ZDHHC17: variants seen among roughly 807,000 people sequenced by gnomAD.
The protein encoded by ZDHHC17 is zDHHC palmitoyltransferase 17.
A neutral mutation model predicts 90.3 loss-of-function variants in ZDHHC17; 40 were observed. The ratio of observed to expected loss-of-function variants is 0.44; its 90% confidence interval spans 0.34 to 0.58. The LOEUF (loss-of-function observed/expected upper bound fraction) is 0.58, where lower values mean the gene tolerates loss of function less well. Among genes scored for constraint, ZDHHC17 ranks in the 20% least tolerant of loss-of-function variants. ZDHHC17 has a pLI of 0.01. For missense variants in ZDHHC17, 614 were observed against 780.8 expected, an observed-to-expected ratio of 0.79 and a Z score of 2.55; for synonymous variants, 235 against 252.4, an observed-to-expected ratio of 0.93 and a Z score of 0.65.
intron 10 of ZDHHC17, among the ~76,000 whole-genome samples, chr12:76,831,352 T>C (rs968787074): frequency 1.3e-5 from 2 of 152,170 alleles, no homozygotes; most frequent in Non-Finnish European, 1.5e-5. Flanking sequence ...TTGTTTTGTT[T>C]TGTTTTGTTT....
intron 7 of ZDHHC17, among the ~76,000 whole-genome samples, chr12:76,816,869 A>G (rs1226657872): frequency 6.6e-6 from 1 of 152,052 alleles, no homozygotes; most frequent in Admixed American, 6.6e-5. Flanking sequence ...TTAAAAGTAA[A>G]TTAATATTGG....
At chr12:76,825,395 A>G (rs965931125) in intron 8 of ZDHHC17, among the ~76,000 whole-genome samples, 5 of 152,224 alleles carry the variant, frequency 3.3e-5, no homozygotes, top group East Asian at 1.9e-4. Flanking sequence ...TTTTCCTAAT[A>G]TAAGAGAAAA....
At position 76,799,604 on chromosome 12, in the gene ZDHHC17, C is replaced by G. The variant is rs572097896; in HGVS notation, c.197+2067C>G. Reference sequence around the variant, plus strand: ...GTTTCTGGGTAGAGTCTGTGACTTTCATTGCATTTTTGAAGAGGTCTGTGA... The same window carrying G: ...GTTTCTGGGTAGAGTCTGTGACTTTGATTGCATTTTTGAAGAGGTCTGTGA... On this transcript the variant is annotated intron_variant, in intron 2 of 16. Transcript: ENST00000426126. Among the ~76,000 whole-genome samples, 13 of 152,184 alleles carry G rather than the reference C, an allele frequency of 8.5e-5. No homozygotes were observed. In the South Asian group the frequency reaches 1.5e-3, roughly 17 times the overall value.
chr12:76,818,201 A>G (rs1953112720), intron 7 of ZDHHC17, among the ~76,000 whole-genome samples: 2 of 152,208 alleles, frequency 1.3e-5, no homozygotes, highest in African/African-American at 2.4e-5. Flanking sequence ...AATTACCTGT[A>G]TCTACACTGG....
intron 10 of ZDHHC17, among the ~76,000 whole-genome samples, chr12:76,834,094 A>G (rs1306108169): frequency 6.6e-6 from 1 of 152,198 alleles, no homozygotes; most frequent in African/African-American, 2.4e-5. Flanking sequence ...ATGAAGTTTA[A>G]AATGCACAAA....
chr12:76,850,657 T>C (rs1490881967), intron 16 of ZDHHC17, among the ~76,000 whole-genome samples, 190 bp from the exon 17 acceptor site: 4 of 151,840 alleles, frequency 2.6e-5, no homozygotes, highest in African/African-American at 9.7e-5. Flanking sequence ...GAAAAAATCA[T>C]TGTTGGCAGA....
intron 1 of ZDHHC17, among the ~76,000 whole-genome samples, chr12:76,767,685 C>T (rs1020852744): frequency 2.0e-4 from 30 of 152,198 alleles, no homozygotes; most frequent in African/African-American, 7.2e-4. Flanking sequence ...TTAGGGAGGC[C>T]GAGGCGGGCG....
intron 9 of ZDHHC17, among the ~76,000 whole-genome samples, chr12:76,827,608 A>G (rs1953244922): frequency 6.6e-6 from 1 of 152,086 alleles, no homozygotes; most frequent in South Asian, 2.1e-4. Flanking sequence ...AAACCTAGAC[A>G]GGTGTGTGAT....
intron 3 of ZDHHC17, among the ~76,000 whole-genome samples, chr12:76,805,817 C>T (rs1952948159): frequency 6.6e-6 from 1 of 152,202 alleles, no homozygotes; most frequent in African/African-American, 2.4e-5. Context: ...GGCAGTCTGA[C>T]TTGGTGTTCA....
chr12:76,834,536 T>G (rs1176413321), intron 10 of ZDHHC17, among the ~76,000 whole-genome samples: 6 of 152,212 alleles, frequency 3.9e-5, no homozygotes, highest in Admixed American at 2.6e-4. Context: ...CTTCTCTGTT[T>G]TCTGTGTATC....
chr12:76,825,277 C>T (rs1431268044), intron 8 of ZDHHC17, among the ~76,000 whole-genome samples: 1 of 152,024 alleles, frequency 6.6e-6, no homozygotes, highest in East Asian at 1.9e-4. Flanking sequence ...GTGTGTGAAT[C>T]TATAATTATT....
At chr12:76,766,154 G>C (rs1170581086) in intron 1 of ZDHHC17, among the ~76,000 whole-genome samples, 3 of 152,302 alleles carry the variant, frequency 2.0e-5, no homozygotes, top group South Asian at 2.1e-4. Flanking sequence ...TTTAGCTACC[G>C]ATCTTCAGGT....
At chr12:76,776,208 C>T (rs367875669) in intron 1 of ZDHHC17, among the ~76,000 whole-genome samples, 14 of 152,048 alleles carry the variant, frequency 9.2e-5, no homozygotes, top group South Asian at 4.2e-4. Context: ...TCCTAACATC[C>T]GATTTATTCT....
At chr12:76,820,956 T>A (rs1299608113) in intron 7 of ZDHHC17, 3 of 656,396 alleles carry the variant, frequency 4.6e-6, no homozygotes, top group African/African-American at 3.8e-5. Flanking sequence ...ATGAATTGAG[T>A]GTTTATTTTA....
At position 76,822,389 on chromosome 12, in the gene ZDHHC17, TCTG is replaced by T; in HGVS notation, c.772-16_772-14del. On this transcript the variant is annotated splice_polypyrimidine_tract_variant and intron_variant, in intron 7 of 16. Coordinates refer to ENST00000426126, the MANE Select transcript of ZDHHC17 (RefSeq NM_015336.4). ...TTTTAAACTTTTAATAGGAATTTCT[TCTG>T]TTTATATTATCAGGGCGAATCAGCG... The T allele has an allele frequency of 8.1e-6, 13 of 1,610,178 alleles. No individual in the cohort carries two copies. Among genetic ancestry groups the T allele is most frequent in the Non-Finnish European group, 1.1e-5 (13 of 1,177,268 alleles).
chr12:76,786,222 C>T (rs540437766), intron 1 of ZDHHC17, among the ~76,000 whole-genome samples: 1 of 151,954 alleles, frequency 6.6e-6, no homozygotes, highest in East Asian at 1.9e-4. Flanking sequence ...CCCACCACAA[C>T]CTCCTGAGTT....
At position 76,786,122 on chromosome 12, in the gene ZDHHC17, CTTT is replaced by C. The variant is rs36021075; in HGVS notation, c.94-11301_94-11299del. Among the ~76,000 whole-genome samples the C allele has an allele frequency of 4.1e-5, 6 of 144,670 alleles. No individual in the cohort carries two copies. In the South Asian group the frequency reaches 6.6e-4, roughly 16 times the overall value. The allele number at this position is 144,670 out of a possible 152,430, so 94.9% of individuals were successfully genotyped here. On this transcript the variant is annotated intron_variant, in intron 1 of 16. Coordinates refer to ENST00000426126, the MANE Select transcript of ZDHHC17 (RefSeq NM_015336.4). ...TTCTTTTTCTTTCTTTTCTTTCTTT[CTTT>C]TTTTTTTTTTAAAGAGATGGGATCT...
At position 76,842,920 on chromosome 12, in the gene ZDHHC17, C is replaced by A; in HGVS notation, c.1268C>A (p.Thr423Lys). The A allele has an allele frequency of 6.2e-7, 1 of 1,607,660 alleles. No individual in the cohort carries two copies. The highest frequency in any genetic ancestry group is 8.5e-7 in the Non-Finnish European group (1 of 1,176,086). ...AAATATTATTTTTTTAATTCACAGA[C>A]AATAGTTGAACTTGCAGAGACAGGA... ...IKATEEQKKK[T>K]IVELAETGSL... Residue 423 changes from threonine to lysine, a missense_variant and splice_region_variant, in exon 12 of 17, where the codon ACA becomes AAA. Transcript: ENST00000426126.
Position 76,809,852 on chromosome 12 carries a change from G to A in ZDHHC17, c.538G>A (p.Gly180Arg), listed in dbSNP as rs748404761. The change falls in exon 5 of 17, where the codon GGA becomes AGA. Residue 180 changes from glycine (G) to arginine (R), a missense_variant. Transcript: ENST00000426126. Reference sequence around the variant, plus strand: ...AATTGTTGCTTATCTCATAGCAAAAGGACAGGTAAAAAAAATCTCAGTGGT... The same window carrying A: ...AATTGTTGCTTATCTCATAGCAAAAAGACAGGTAAAAAAAATCTCAGTGGT... ...TSIVAYLIAK[G>R]QDVDMMDQNG... is the part of the protein sequence containing the mutation. 2 of 1,609,546 alleles carry A rather than the reference G, an allele frequency of 1.2e-6. No homozygotes were observed. The highest frequency in any genetic ancestry group is 1.7e-6 in the Non-Finnish European group (2 of 1,177,722).
Sources: allele counts gnomAD v4.1 joint callset (sites outside exome capture counted in the v4.1 genomes callset), GRCh38; gene constraint gnomAD v4.1.1; transcripts MANE v1.5; gene names NCBI Gene and HGNC (gene_info 2026-07-23, HGNC 2026-07-21).